Variants in ZMAT5 observed in about 807,000 individuals in gnomAD.
ZMAT5 encodes zinc finger matrin-type protein 5.
In ZMAT5, 23 loss-of-function variants were observed where a neutral mutation model predicts 28.0. The observed-to-expected ratio is 0.82, with a 90% CI of 0.59 to 1.16. ZMAT5 has a LOEUF of 1.16. ZMAT5 is among the 50% of genes most tolerant of loss of function. ZMAT5 has a pLI of 0.00. For missense variants in ZMAT5, 173 were observed against 212.7 expected (o/e 0.81, Z 1.16); for synonymous variants, 76 against 84.1 (o/e 0.90, Z 0.52).
At chr22:29,748,342 C>A (rs970409748) in intron 2 of ZMAT5, 76 bp downstream of exon 2, 2 of 1,604,790 alleles carry the variant, frequency 1.2e-6, no homozygotes, top group African/African-American at 2.7e-5. Context: ...TGTCACTGAC[C>A]CACAGGAGTC....
chr22:29,734,495 A>T (rs1806737699), intron 5 of ZMAT5, among the ~76,000 whole-genome samples: 1 of 152,172 alleles, frequency 6.6e-6, no homozygotes, highest in African/African-American at 2.4e-5. Context: ...CAGCACTAAC[A>T]CCTGGGGAAC....
At chr22:29,753,805 A>AGG (rs997708273) in intron 1 of ZMAT5, among the ~76,000 whole-genome samples, 2 of 152,114 alleles carry the variant, frequency 1.3e-5, no homozygotes, top group Non-Finnish European at 2.9e-5. Context: ...TCCTGTCCCC[A>AGG]CAGGCATGTG....
At chr22:29,736,558 A>G (rs1264665083) in intron 5 of ZMAT5, among the ~76,000 whole-genome samples, 4 of 151,612 alleles carry the variant, frequency 2.6e-5, no homozygotes. Flanking sequence ...TGTCTCTACT[A>G]AAAATACAAA....
At chr22:29,747,857 C>T (rs901559764) in intron 2 of ZMAT5, 11 of 170,422 alleles carry the variant, frequency 6.5e-5, no homozygotes, top group South Asian at 2.7e-4. Flanking sequence ...ACTGACCGCA[C>T]CCAACTGCTC....
At chr22:29,748,717 T>C (rs2068031854) in intron 1 of ZMAT5, 146 bp from the exon 2 acceptor site, 5 of 1,120,660 alleles carry the variant, frequency 4.5e-6, no homozygotes, top group Non-Finnish European at 6.3e-6. Flanking sequence ...CTGATGAGTA[T>C]GGCCTAAGAG....
At chr22:29,765,278 G>A (rs1034660178) in intron 1 of ZMAT5, among the ~76,000 whole-genome samples, 9 of 151,440 alleles carry the variant, frequency 5.9e-5, no homozygotes, top group African/African-American at 2.2e-4. Flanking sequence ...AATGAGCTGG[G>A]CGTGTTGGCA....
chr22:29,764,180 C>T (rs2068185945), intron 1 of ZMAT5, among the ~76,000 whole-genome samples: 1 of 152,182 alleles, frequency 6.6e-6, no homozygotes, highest in African/African-American at 2.4e-5. Flanking sequence ...AAACAAGCCA[C>T]ACCTTTAACT....
intron 2 of ZMAT5, among the ~76,000 whole-genome samples, chr22:29,745,167 C>T (rs544541133): frequency 5.3e-5 from 8 of 152,314 alleles, no homozygotes; most frequent in African/African-American, 1.4e-4. Flanking sequence ...AAACATCTAG[C>T]GTGTAGCCAA....
At chr22:29,748,282 G>A in intron 2 of ZMAT5, 136 bp downstream of exon 2, 1 of 1,313,246 alleles carries the variant, frequency 7.6e-7, no homozygotes, top group Non-Finnish European at 1.1e-6. Flanking sequence ...TGAGGGCCCA[G>A]TGGCTCAGGC....
intron 1 of ZMAT5, among the ~76,000 whole-genome samples, chr22:29,758,097 C>T (rs970999292): frequency 1.3e-5 from 2 of 152,162 alleles, no homozygotes; most frequent in East Asian, 3.8e-4. Context: ...AGCTGCCACA[C>T]TGTGAGCAGC....
chr22:29,752,768 C>T (rs1274790665), intron 1 of ZMAT5, among the ~76,000 whole-genome samples: 1 of 152,216 alleles, frequency 6.6e-6, no homozygotes, highest in Non-Finnish European at 1.5e-5. Flanking sequence ...GTCTCAAACT[C>T]CTGAGCTCAA....
intron 1 of ZMAT5, among the ~76,000 whole-genome samples, chr22:29,761,744 T>C (rs927604141): frequency 2.0e-5 from 3 of 152,206 alleles, no homozygotes; most frequent in Non-Finnish European, 4.4e-5. Context: ...TGATTCCTAT[T>C]TAAAATACAA....
intron 5 of ZMAT5, among the ~76,000 whole-genome samples, chr22:29,736,442 G>T (rs545690934): frequency 6.6e-6 from 1 of 152,344 alleles, no homozygotes; most frequent in South Asian, 2.1e-4. Context: ...TTTACTGGCT[G>T]GGTGCGGTGG....
chr22:29,743,393 A>G (rs972266720), intron 2 of ZMAT5, among the ~76,000 whole-genome samples: 8 of 151,912 alleles, frequency 5.3e-5, no homozygotes, highest in Non-Finnish European at 1.5e-5. Flanking sequence ...AATCACTCTG[A>G]TCCTAATCTT....
intron 4 of ZMAT5, 57 bp from the exon 5 acceptor site, chr22:29,738,498 C>T (rs1439588931): frequency 7.9e-6 from 12 of 1,511,464 alleles, no homozygotes; most frequent in Non-Finnish European, 1.1e-5. Flanking sequence ...TGCCAGAACC[C>T]TACCCTCTCA....
chr22:29,742,606 G>A (rs2067973330), intron 2 of ZMAT5, 126 bp from the exon 3 acceptor site: 1 of 873,702 alleles, frequency 1.1e-6, no homozygotes, highest in African/African-American at 1.7e-5. Context: ...AGAGTTTCCT[G>A]TTCCACGGAG....
chr22:29,755,197 A>G (rs1303262101), intron 1 of ZMAT5, among the ~76,000 whole-genome samples: 1 of 152,158 alleles, frequency 6.6e-6, no homozygotes, highest in East Asian at 1.9e-4. Flanking sequence ...CAGGAGGCTG[A>G]GGCAGGAGAA....
intron 5 of ZMAT5, among the ~76,000 whole-genome samples, chr22:29,735,123 G>T (rs73883307): frequency 1.3e-5 from 2 of 152,168 alleles, no homozygotes; most frequent in Non-Finnish European, 2.9e-5. Flanking sequence ...CAGGGTAGGG[G>T]GTGTGGATGC....
At position 29,731,203 on chromosome 22, in the gene ZMAT5, G is replaced by A. The variant is rs762088255; in HGVS notation, c.*22C>T. On this transcript the variant is annotated 3_prime_UTR_variant, in exon 6 of 6. Coordinates refer to ENST00000344318, the MANE Select transcript of ZMAT5 (RefSeq NM_001003692.2). Reference sequence around the variant, plus strand: ...ACTGATGAGAAAAGTGACCACGTGGGGGTCAGTCGGGGGCAAGGGGCTCAG... The same window carrying A: ...ACTGATGAGAAAAGTGACCACGTGGAGGTCAGTCGGGGGCAAGGGGCTCAG... 48 of 1,476,066 alleles carry A rather than the reference G, an allele frequency of 3.3e-5. No individual in the cohort carries two copies. The highest frequency in any genetic ancestry group is 4.3e-5 in the Non-Finnish European group (48 of 1,121,714). The allele number at this position is 1,476,066 out of a possible 1,614,324, so 91.4% of individuals were successfully genotyped here.
Sources: gnomAD v4.1 joint callset for allele counts (sites outside exome capture counted in the v4.1 genomes callset) on GRCh38, gnomAD v4.1.1 for gene constraint, MANE v1.5 for transcripts, NCBI Gene and HGNC (gene_info 2026-07-23, HGNC 2026-07-21) for gene names.